The following ABCC4 variants were observed in gnomAD, a reference collection of about 807,000 sequenced individuals.
ABCC4 encodes the protein ATP binding cassette subfamily C member 4 (PEL blood group), also known as ATP-binding cassette sub-family C member 4.
A neutral mutation model predicts 168.5 loss-of-function variants in ABCC4; 102 were observed. That is an observed-to-expected ratio of 0.61 (90% confidence interval 0.52 to 0.71). The LOEUF (loss-of-function observed/expected upper bound fraction) is 0.71. Among genes scored for constraint, ABCC4 ranks in the 30% least tolerant of loss-of-function variants. The pLI is 0.00. For synonymous variants in ABCC4, 617 were observed against 590.7 expected, an observed-to-expected ratio of 1.04 and a Z score of -0.65; for missense variants, 1,402 against 1,605.8, an observed-to-expected ratio of 0.87 and a Z score of 2.17.
intron 21 of ABCC4, 41 bp downstream of exon 21, chr13:95,083,099 C>A (rs1020927119): frequency 6.3e-7 from 1 of 1,580,692 alleles, no homozygotes; most frequent in Admixed American, 1.8e-5. Context: ...TAAATGGAAA[C>A]TAGCTAGCAT....
rs773223205 is a variant in ABCC4 at position 95,166,347 on chromosome 13, C to T, written c.1845G>A (p.Gly615=). 127 of 1,612,834 alleles carry T rather than the reference C, an allele frequency of 7.9e-5. No homozygotes were observed. The highest frequency in any genetic ancestry group is 6.0e-4 in the South Asian group (55 of 91,012). ...ILKDGKMVQK[G]TYTEFLKSGI... ...CAGATTTTAGGAACTCAGTGTAAGT[C>T]CCCTTCTGCACCATTTTACCCTAAA... Residue 615 remains glycine (G), a synonymous_variant, in exon 15 of 31, where the codon GGG becomes GGA. Coordinates refer to ENST00000645237, the MANE Select transcript of ABCC4 (RefSeq NM_005845.5).
intron 20 of ABCC4, among the ~76,000 whole-genome samples, chr13:95,086,836 A>C (rs1490273475): frequency 1.3e-5 from 2 of 152,186 alleles, no homozygotes; most frequent in Non-Finnish European, 2.9e-5. Context: ...GAGGTCACTT[A>C]ATCAGTAGAT....
chr13:95,113,378 T>C (rs1374621819), intron 20 of ABCC4, among the ~76,000 whole-genome samples: 1 of 152,214 alleles, frequency 6.6e-6, no homozygotes, highest in Non-Finnish European at 1.5e-5. Flanking sequence ...ATTGCTGTTA[T>C]AACTAACAGG....
intron 9 of ABCC4, 126 bp downstream of exon 9, chr13:95,194,710 T>C: frequency 1.5e-6 from 1 of 674,618 alleles, no homozygotes; most frequent in South Asian, 2.4e-5. Flanking sequence ...TGAGAATCTT[T>C]GTAACATAGT....
intron 4 of ABCC4, among the ~76,000 whole-genome samples, chr13:95,227,750 C>G (rs769375414): frequency 2.0e-5 from 3 of 152,140 alleles, no homozygotes; most frequent in Non-Finnish European, 4.4e-5. Context: ...GTTCTGTCAC[C>G]CACGCTGGAG....
At chr13:95,153,986 G>GA (rs4148503) in intron 19 of ABCC4, among the ~76,000 whole-genome samples, 88 of 152,044 alleles carry the variant, frequency 5.8e-4, no homozygotes, top group African/African-American at 1.8e-3. Context: ...ATTGTTATGT[G>GA]AAAAAAACAT....
At chr13:95,166,060 G>A in intron 15 of ABCC4, 98 bp downstream of exon 15, 2 of 1,169,276 alleles carry the variant, frequency 1.7e-6, no homozygotes, top group Non-Finnish European at 2.5e-6. Flanking sequence ...ATCCACTTTG[G>A]GACAAAAGAT....
At chr13:95,061,115 G>C (rs1019730600) in intron 26 of ABCC4, among the ~76,000 whole-genome samples, 1 of 152,180 alleles carries the variant, frequency 6.6e-6, no homozygotes, top group African/African-American at 2.4e-5. Flanking sequence ...CCATTGTATG[G>C]ATAGACCACG....
Position 95,161,294 on chromosome 13 carries a change from G to A in ABCC4, c.2350C>T (p.Leu784=). 2 of 1,601,854 alleles carry A rather than the reference G, an allele frequency of 1.2e-6. No homozygotes were observed. The highest frequency in any genetic ancestry group is 1.7e-6 in the Non-Finnish European group (2 of 1,177,256). Reference sequence around the variant, plus strand: ...TTAACAAGGACGTAGAATACCAATAGAGATCTTGCTATGCCAAAAAGAACG... The same window carrying A: ...TTAACAAGGACGTAGAATACCAATAAAGATCTTGCTATGCCAAAAAGAACG... ...ATVLFGIARS[L]LVFYVLVNSS... The change falls in exon 19 of 31, where the codon CTA becomes TTA. Residue 784 remains leucine, a synonymous_variant. Transcript: ENST00000645237.
Position 95,090,620 on chromosome 13 carries a change from C to T in ABCC4, c.2536-7330G>A, listed in dbSNP as rs1280094685. The stretch of plus-strand genomic sequence containing the variant: ...GGAACACCCTGTGGGACAAAAGAAT[C>T]TGAACAACAGCCTTCAGCTCAAGAC... On this transcript the variant is annotated intron_variant, in intron 20 of 30. Transcript: ENST00000645237. Among the ~76,000 whole-genome samples the T allele has an allele frequency of 2.2e-4, 34 of 152,296 alleles. 1 individual carries two copies. The highest frequency in any genetic ancestry group is 1.0e-4 in the Non-Finnish European group (7 of 68,024).
chr13:95,039,377 C>A (rs1312411500), intron 29 of ABCC4, among the ~76,000 whole-genome samples: 2 of 152,134 alleles, frequency 1.3e-5, no homozygotes, highest in Non-Finnish European at 2.9e-5. Context: ...AGATCTTTTA[C>A]AACAAAATAA....
intron 4 of ABCC4, among the ~76,000 whole-genome samples, chr13:95,228,849 C>T (rs2039541462): frequency 6.6e-6 from 1 of 150,912 alleles, no homozygotes; most frequent in Non-Finnish European, 1.5e-5. Flanking sequence ...CCCTTGAGCC[C>T]AGGAGTTCGA....
At chr13:95,130,075 TAAA>T (rs539290300) in intron 19 of ABCC4, among the ~76,000 whole-genome samples, 4 of 129,408 alleles carry the variant, frequency 3.1e-5, no homozygotes, top group Admixed American at 1.6e-4. Flanking sequence ...AACTCCATCT[TAAA>T]AAAAAAAAAA....
chr13:95,035,571 C>CCCAATCA (rs1458315326), intron 29 of ABCC4, among the ~76,000 whole-genome samples: 1 of 152,200 alleles, frequency 6.6e-6, no homozygotes, highest in African/African-American at 2.4e-5. Context: ...TATCTGTTTT[C>CCCAATCA]CCAATCACCT....
intron 19 of ABCC4, among the ~76,000 whole-genome samples, chr13:95,146,085 C>T (rs910901416): frequency 6.6e-6 from 1 of 151,936 alleles, no homozygotes; most frequent in Non-Finnish European, 1.5e-5. Context: ...GTGATATGCG[C>T]TTGTAATTCC....
At chr13:95,115,660 G>A (rs1031064876) in intron 20 of ABCC4, among the ~76,000 whole-genome samples, 2 of 152,074 alleles carry the variant, frequency 1.3e-5, no homozygotes, top group Non-Finnish European at 2.9e-5. Context: ...AGAGGCAGAC[G>A]GAGAGCCACT....
chr13:95,156,341 C>G (rs1009806917), intron 19 of ABCC4, among the ~76,000 whole-genome samples: 1 of 152,154 alleles, frequency 6.6e-6, no homozygotes, highest in Non-Finnish European at 1.5e-5. Flanking sequence ...AAATTAAAAA[C>G]CAGGTTTTGC....
chr13:95,205,709 G>A (rs1418195625), intron 8 of ABCC4, among the ~76,000 whole-genome samples: 1 of 152,236 alleles, frequency 6.6e-6, no homozygotes, highest in East Asian at 1.9e-4. Context: ...GTTCACCCCA[G>A]CATCAGTGTT....
rs963200737 is a variant in ABCC4, at chr13:95,048,804, G to A, written c.3456+4291C>T. ...AATTGTAGATCCCAGTATTAAAGTC[G>A]TTTTTTAATTAACAGAAATAACGTG... On this transcript the variant is annotated intron_variant, in intron 27 of 30. Coordinates refer to ENST00000645237, the MANE Select transcript of ABCC4 (RefSeq NM_005845.5). 7.9e-5 allele frequency among the ~76,000 whole-genome samples: 12 copies of A among 152,098 alleles called. No homozygotes were observed. In the East Asian group the frequency reaches 9.6e-4, roughly 12 times the overall value.
Sources: allele counts gnomAD v4.1 joint callset (sites outside exome capture counted in the v4.1 genomes callset), GRCh38; gene constraint gnomAD v4.1.1; transcripts MANE v1.5; gene names NCBI Gene and HGNC (gene_info 2026-07-23, HGNC 2026-07-21).